The following DRAM1 variants were observed in gnomAD, a reference collection of about 807,000 sequenced individuals.
DRAM1 encodes the protein DNA damage regulated autophagy modulator 1, also known as DNA damage-regulated autophagy modulator protein 1.
Under a neutral mutation model 28.5 loss-of-function variants are expected in DRAM1, and 25 were observed. The ratio of observed to expected loss-of-function variants is 0.88; its 90% confidence interval spans 0.64 to 1.23. The LOEUF (loss-of-function observed/expected upper bound fraction) is 1.23. Ranked by LOEUF, DRAM1 falls within the 50% of genes most tolerant of loss-of-function variation. The pLI, the probability that DRAM1 is intolerant of heterozygous loss-of-function variation, is 0.00. For synonymous variants in DRAM1, 113 were observed against 114.2 expected (o/e 0.99, Z 0.07); for missense variants, 249 against 299.2 (o/e 0.83, Z 1.24).
At chr12:101,882,309 A>G (rs1436110208) in intron 1 of DRAM1, among the ~76,000 whole-genome samples, 2 of 150,220 alleles carry the variant, frequency 1.3e-5, no homozygotes, top group Non-Finnish European at 2.9e-5. Flanking sequence ...ACGGGGTTTC[A>G]CCATGTTAGT....
intron 1 of DRAM1, among the ~76,000 whole-genome samples, chr12:101,892,298 C>T (rs573002161): frequency 1.1e-4 from 16 of 150,480 alleles, no homozygotes; most frequent in Non-Finnish European, 2.2e-4. Context: ...TGCAGTGGTG[C>T]GATCTCGGCT....
intron 1 of DRAM1, 45 bp from the exon 2 acceptor site, chr12:101,897,818 A>G (rs377111151): frequency 1.1e-5 from 15 of 1,413,758 alleles, no homozygotes; most frequent in Admixed American, 1.7e-5. Flanking sequence ...AGAGGTCTGG[A>G]CAGAATTTCT....
At chr12:101,913,561 G>T (rs1234018324) in intron 4 of DRAM1, among the ~76,000 whole-genome samples, 2 of 151,910 alleles carry the variant, frequency 1.3e-5, no homozygotes, top group Non-Finnish European at 2.9e-5. Flanking sequence ...CAAAAAATTA[G>T]CCAGGCATGG....
In DRAM1 at chr12:101,922,758, T is replaced by C. The variant is rs1176954853; in HGVS notation, c.*1498T>C. ...AAGACGCATCATAAATGGTTTTCTT[T>C]AAGTGAATGGAAGAGTTTGACAGAG... On this transcript the variant is annotated 3_prime_UTR_variant, in exon 7 of 7. Transcript: ENST00000258534. 1 of 152,202 alleles carries C rather than the reference T, an allele frequency of 6.6e-6. No individual in the cohort carries two copies. The highest frequency in any genetic ancestry group is 1.5e-5 in the Non-Finnish European group (1 of 68,032). 9.4% of individuals were successfully genotyped at this position (152,202 alleles called of 1,614,324 possible).
At chr12:101,883,308 A>AAATG (rs35859079) in intron 1 of DRAM1, among the ~76,000 whole-genome samples, 92,658 of 142,060 alleles carry the variant, frequency 0.65, 32,365 homozygotes, top group East Asian at 0.89. Context: ...TTTTTTACCC[A>AAATG]AATAGGTTTT....
rs1407889322 is a variant in DRAM1, at chr12:101,890,141, C to T, written c.132-7722C>T. 1.8e-5 allele frequency: 8 copies of T among 438,808 alleles called. 1 individual carries two copies. The highest frequency in any genetic ancestry group is 4.9e-5 in the South Asian group (3 of 61,626). The allele number at this position is 438,808 out of a possible 1,614,324, so 27.2% of individuals were successfully genotyped here. A position where few individuals can be genotyped will look rare whatever the true frequency, so the allele number is the denominator to read the frequency against. ...TCGGCCAGGCTGGAGTGCAGTGGCA[C>T]GATCTTGGCTCACTGTAACCTCTGC... On this transcript the variant is annotated intron_variant, in intron 1 of 6. Transcript: ENST00000258534.
At chr12:101,881,121 A>G (rs983899464) in intron 1 of DRAM1, among the ~76,000 whole-genome samples, 1 of 152,204 alleles carries the variant, frequency 6.6e-6, no homozygotes, top group African/African-American at 2.4e-5. Flanking sequence ...TCTACTAAAA[A>G]TATATAAAAT....
intron 1 of DRAM1, among the ~76,000 whole-genome samples, chr12:101,879,099 AT>A (rs1872600713): frequency 6.6e-6 from 1 of 152,028 alleles, no homozygotes; most frequent in African/African-American, 2.4e-5. Context: ...GGTTCAAGCG[AT>A]TCTCCTGCCT....
chr12:101,920,351 T>C, intron 6 of DRAM1, 150 bp downstream of exon 6: 1 of 293,526 alleles, frequency 3.4e-6, no homozygotes, highest in Non-Finnish European at 5.4e-6. Flanking sequence ...CAGGCCGGAC[T>C]GCGGACTGCA....
intron 5 of DRAM1, among the ~76,000 whole-genome samples, chr12:101,919,621 T>C (rs1225324324): frequency 1.3e-5 from 2 of 152,208 alleles, no homozygotes; most frequent in African/African-American, 4.8e-5. Context: ...TGAATGATCA[T>C]TTCTATATAA....
intron 5 of DRAM1, among the ~76,000 whole-genome samples, chr12:101,917,791 T>A (rs922313519): frequency 2.0e-5 from 3 of 152,076 alleles, no homozygotes; most frequent in Admixed American, 2.0e-4. Context: ...TTTTTCTTTC[T>A]TATATATGGG....
intron 1 of DRAM1, among the ~76,000 whole-genome samples, chr12:101,893,703 A>G (rs1049010433): frequency 6.6e-6 from 1 of 151,978 alleles, no homozygotes; most frequent in African/African-American, 2.4e-5. Context: ...GAACTGATAT[A>G]TGGTAAGCAC....
chr12:101,903,352 T>G (rs2121106962), intron 3 of DRAM1, among the ~76,000 whole-genome samples: 1 of 152,334 alleles, frequency 6.6e-6, no homozygotes, highest in East Asian at 1.9e-4. Context: ...CCTCAGAAAG[T>G]TTTCTTTTTG....
In DRAM1 at chr12:101,919,282, A is replaced by ACG. The variant is rs200456806; in HGVS notation, c.580-825_580-824dup. 9.4e-3 allele frequency among the ~76,000 whole-genome samples: 1,366 copies of ACG among 146,088 alleles called. 9 individuals carry two copies. The highest frequency in any genetic ancestry group is 0.015 in the African/African-American group (550 of 37,364). On this transcript the variant is annotated intron_variant, in intron 5 of 6. Coordinates refer to ENST00000258534, the MANE Select transcript of DRAM1 (RefSeq NM_018370.3). The stretch of plus-strand genomic sequence containing the variant: ...CATCCACAGACACACAGACACACAC[A>ACG]CGCACACACACACACACACACACGG...
At chr12:101,897,116 A>G (rs1416598183) in intron 1 of DRAM1, among the ~76,000 whole-genome samples, 2 of 152,034 alleles carry the variant, frequency 1.3e-5, no homozygotes, top group Non-Finnish European at 2.9e-5. Context: ...TTTTCAGCAG[A>G]TAATAAAATC....
chr12:101,880,181 G>T (rs1246697123), intron 1 of DRAM1, among the ~76,000 whole-genome samples: 1 of 151,620 alleles, frequency 6.6e-6, no homozygotes, highest in Non-Finnish European at 1.5e-5. Context: ...CTGAATAGCT[G>T]GGGACTGTAG....
At chr12:101,886,290 A>C (rs1307239543) in intron 1 of DRAM1, among the ~76,000 whole-genome samples, 1 of 152,204 alleles carries the variant, frequency 6.6e-6, no homozygotes, top group African/African-American at 2.4e-5. Context: ...GTATGGCTCC[A>C]TTATGTGTTC....
Position 101,914,177 on chromosome 12 carries a change from T to C in DRAM1, c.524T>C (p.Ile175Thr). The C allele has an allele frequency of 1.2e-6, 2 of 1,606,156 alleles. No individual in the cohort carries two copies. The highest frequency in any genetic ancestry group is 1.1e-5 in the South Asian group (1 of 89,720). Residue 175 changes from isoleucine to threonine, a missense_variant, in exon 5 of 7, where the codon ATT becomes ACT. Coordinates refer to ENST00000258534, the MANE Select transcript of DRAM1 (RefSeq NM_018370.3). ...CTTAACTGTTTACTTCTTTCAGTGA[T>C]TGTCTGTGCTTCACTAATTTCCATA... ...AVSCAAVIPM[I>T]VCASLISITK... is the part of the protein sequence containing the mutation.
intron 3 of DRAM1, among the ~76,000 whole-genome samples, chr12:101,904,388 CTT>C (rs386377571): frequency 2.9e-5 from 3 of 102,994 alleles, no homozygotes; most frequent in Admixed American, 2.3e-4. Flanking sequence ...TTCACATATT[CTT>C]TTTTTTTTTT....
Sources: allele counts gnomAD v4.1 joint callset (sites outside exome capture counted in the v4.1 genomes callset), GRCh38; gene constraint gnomAD v4.1.1; transcripts MANE v1.5; gene names NCBI Gene and HGNC (gene_info 2026-07-23, HGNC 2026-07-21).